Variants in MSRB3 observed in about 807,000 individuals in gnomAD.
MSRB3 encodes the protein methionine sulfoxide reductase B3.
In MSRB3, 13 loss-of-function variants were observed where a neutral mutation model predicts 21.0. The ratio of observed to expected loss-of-function variants is 0.62; its 90% CI spans 0.40 to 0.98. MSRB3 has a LOEUF of 0.98. Among genes scored for constraint, MSRB3 ranks in the 50% least tolerant of loss-of-function variants. The pLI is 0.00. For synonymous variants in MSRB3, 87 were observed against 88.6 expected (o/e 0.98, Z 0.10); for missense variants, 199 against 230.3 (o/e 0.86, Z 0.88).
intron 4 of MSRB3, among the ~76,000 whole-genome samples, chr12:65,347,987 C>T (rs1876643331): frequency 6.6e-6 from 1 of 152,120 alleles, no homozygotes; most frequent in African/African-American, 2.4e-5. Context: ...TTCGATTTGC[C>T]AGTATTTTAC....
rs1380566058 is a variant in MSRB3, at chr12:65,278,803, C to T, written c.-114C>T. 5.1e-6 allele frequency: 8 copies of T among 1,571,304 alleles called. No homozygotes were observed. The highest frequency in any genetic ancestry group is 6.0e-6 in the Non-Finnish European group (7 of 1,158,716). Reference sequence around the variant, plus strand: ...CGGCGGACCCTCCCGCGCCCCCTCTCGCTCTGCCTCTCCCTCTGCCTCTGC... The same window carrying T: ...CGGCGGACCCTCCCGCGCCCCCTCTTGCTCTGCCTCTCCCTCTGCCTCTGC... On this transcript the variant is annotated 5_prime_UTR_variant, in exon 1 of 7. Coordinates refer to ENST00000308259, the MANE Select transcript of MSRB3 (RefSeq NM_001031679.3).
At chr12:65,396,734 AAGAAAGAAAGAAAG>A (rs1565872331) in intron 5 of MSRB3, among the ~76,000 whole-genome samples, 5 of 151,136 alleles carry the variant, frequency 3.3e-5, no homozygotes, top group Non-Finnish European at 5.9e-5. Flanking sequence ...GAAAGAAAGA[AAGAAAGAAAGAAAG>A]AAAGAAAACC....
At chr12:65,408,244 G>A (rs1880524427) in intron 5 of MSRB3, among the ~76,000 whole-genome samples, 1 of 152,066 alleles carries the variant, frequency 6.6e-6, no homozygotes, top group African/African-American at 2.4e-5. Context: ...ACAGATGCCT[G>A]CCACTATGCC....
At chr12:65,408,739 G>T (rs755083485) in intron 5 of MSRB3, among the ~76,000 whole-genome samples, 1 of 152,114 alleles carries the variant, frequency 6.6e-6, no homozygotes, top group East Asian at 1.9e-4. Context: ...GAAAGGGCCA[G>T]AATTGGTTAT....
At chr12:65,362,603 C>T (rs992592200) in intron 4 of MSRB3, among the ~76,000 whole-genome samples, 1 of 152,060 alleles carries the variant, frequency 6.6e-6, no homozygotes, top group Admixed American at 6.6e-5. Context: ...CTATTATGCA[C>T]AAATGTACAA....
chr12:65,308,473 T>C, intron 1 of MSRB3, 56 bp from the exon 2 acceptor site: 2 of 1,589,852 alleles, frequency 1.3e-6, no homozygotes, highest in Non-Finnish European at 1.7e-6. Flanking sequence ...AATGAATGTG[T>C]TTAATATTTG....
chr12:65,363,533 C>T (rs1877830426), intron 4 of MSRB3, among the ~76,000 whole-genome samples: 1 of 152,036 alleles, frequency 6.6e-6, no homozygotes, highest in Non-Finnish European at 1.5e-5. Context: ...CTAGTGTCTA[C>T]CCTTTCTGGC....
rs552029530 is a variant in MSRB3, at chr12:65,379,709, C to A, written c.292+10683C>A. Among the ~76,000 whole-genome samples, 54 of 152,268 alleles carry A rather than the reference C, an allele frequency of 3.5e-4. No individual in the cohort carries two copies. In the South Asian group the frequency reaches 0.011, roughly 32 times the overall value. On this transcript the variant is annotated intron_variant, in intron 5 of 6. Transcript: ENST00000308259. ...ATTTGTACGTTATCAATAGTTATAG[C>A]TGAGTAGTATAAATTGGGAAGTATA...
intron 1 of MSRB3, among the ~76,000 whole-genome samples, chr12:65,298,409 T>C (rs1415426378): frequency 6.6e-6 from 1 of 152,234 alleles, no homozygotes. Context: ...GAAGTAGATA[T>C]GGAATGCTCA....
intron 5 of MSRB3, among the ~76,000 whole-genome samples, chr12:65,426,718 A>G (rs183662726): frequency 2.6e-3 from 393 of 152,058 alleles, no homozygotes; most frequent in Non-Finnish European, 4.4e-3. Flanking sequence ...AAATCCCTTA[A>G]GGTTTTATTC....
chr12:65,344,483 C>A (rs1366588563), intron 4 of MSRB3, among the ~76,000 whole-genome samples: 2 of 151,774 alleles, frequency 1.3e-5, no homozygotes, highest in Non-Finnish European at 2.9e-5. Context: ...CAGCCTACAT[C>A]CAGAGCACTG....
chr12:65,366,660 G>C (rs1451874559), intron 4 of MSRB3, among the ~76,000 whole-genome samples: 1 of 152,150 alleles, frequency 6.6e-6, no homozygotes, highest in Non-Finnish European at 1.5e-5. Context: ...AAGAAATCTA[G>C]AATAATGCCA....
At chr12:65,298,394 A>G (rs1157161592) in intron 1 of MSRB3, among the ~76,000 whole-genome samples, 1 of 152,248 alleles carries the variant, frequency 6.6e-6, no homozygotes, top group Non-Finnish European at 1.5e-5. Flanking sequence ...TATAATAAGC[A>G]GTTTGAAGTA....
At chr12:65,357,205 T>TC (rs1877437001) in intron 4 of MSRB3, among the ~76,000 whole-genome samples, 1 of 151,724 alleles carries the variant, frequency 6.6e-6, no homozygotes, top group Admixed American at 6.6e-5. Context: ...TTCCCTCACC[T>TC]CCCATATCTA....
At position 65,464,230 on chromosome 12, in the gene MSRB3, T is replaced by C. The variant is rs1138896; in HGVS notation, c.*908T>C. ...CGGAGCTTGCAGTTAGCCGAGATCA[T>C]GCCACTGCACTCCAGCCTACATGAC... On this transcript the variant is annotated 3_prime_UTR_variant, in exon 7 of 7. Coordinates refer to ENST00000308259, the MANE Select transcript of MSRB3 (RefSeq NM_001031679.3). The C allele has an allele frequency of 0.37, 55,891 of 152,172 alleles. 10,980 individuals are homozygous for C. The highest frequency in any genetic ancestry group is 0.54 in the Middle Eastern group (160 of 296). The allele number at this position is 152,172 out of a possible 1,614,324, so 9.4% of individuals were successfully genotyped here. A position where few individuals can be genotyped will look rare whatever the true frequency, so the allele number is the denominator to read the frequency against.
intron 5 of MSRB3, among the ~76,000 whole-genome samples, chr12:65,396,924 T>C (rs1879850735): frequency 6.6e-6 from 1 of 152,196 alleles, no homozygotes; most frequent in African/African-American, 2.4e-5. Flanking sequence ...ACTAATTTTC[T>C]ACCTGCTGGG....
chr12:65,278,795 C>T lies in MSRB3; in HGVS notation c.-122C>T, dbSNP rs373497233. 2.3e-4 allele frequency: 358 copies of T among 1,571,350 alleles called. 3 individuals carry two copies. The Middle Eastern group carries it at 3.7e-3, about 16-fold the overall frequency. ...TGAGCCCGCGGCGGACCCTCCCGCG[C>T]CCCCTCTCGCTCTGCCTCTCCCTCT... is the stretch of plus-strand genomic sequence containing the variant. On this transcript the variant is annotated 5_prime_UTR_variant, in exon 1 of 7. Transcript: ENST00000308259.
intron 5 of MSRB3, among the ~76,000 whole-genome samples, chr12:65,408,189 G>T (rs1475352650): frequency 6.6e-6 from 1 of 151,906 alleles, no homozygotes; most frequent in Non-Finnish European, 1.5e-5. Flanking sequence ...CCACCTCCCC[G>T]GTTGAAGCAA....
At chr12:65,369,231 A>G (rs1033960122) in intron 5 of MSRB3, among the ~76,000 whole-genome samples, 1 of 152,130 alleles carries the variant, frequency 6.6e-6, no homozygotes, top group African/African-American at 2.4e-5. Flanking sequence ...TAGCTCTGCA[A>G]TAAGCATTAC....
Sources: gnomAD v4.1 joint callset for allele counts (sites outside exome capture counted in the v4.1 genomes callset) on GRCh38, gnomAD v4.1.1 for gene constraint, MANE v1.5 for transcripts, NCBI Gene and HGNC (gene_info 2026-07-23, HGNC 2026-07-21) for gene names.